Variants in SLC14A2 observed in about 807,000 individuals in gnomAD.
SLC14A2 encodes urea transporter 2.
In SLC14A2, 91 loss-of-function variants were observed where a neutral mutation model predicts 104.6. That is an observed-to-expected ratio of 0.87 (90% confidence interval 0.73 to 1.04). The LOEUF (loss-of-function observed/expected upper bound fraction) is 1.04. Ranked by LOEUF, SLC14A2 falls within the 50% of genes least tolerant of loss-of-function variation. SLC14A2 has a pLI of 0.00. For missense variants in SLC14A2, 1,189 were observed against 1,156.0 expected (o/e 1.03, Z -0.41); for synonymous variants, 476 against 466.4 (o/e 1.02, Z -0.27).
intron 1 of SLC14A2, among the ~76,000 whole-genome samples, chr18:45,398,033 AC>A (rs1343090884): frequency 6.6e-6 from 1 of 152,194 alleles, no homozygotes; most frequent in African/African-American, 2.4e-5. Context: ...TTGAGGGACA[AC>A]TATAAGCCAG....
chr18:45,669,593 A>AT (rs1243981017), intron 16 of SLC14A2, 95 bp downstream of exon 16: 1 of 980,756 alleles, frequency 1.0e-6, no homozygotes, highest in East Asian at 2.4e-5. Flanking sequence ...ACAAGTAATA[A>AT]TTTTTAACAA....
At chr18:45,616,915 T>C (rs920031244) in intron 1 of SLC14A2, among the ~76,000 whole-genome samples, 2 of 151,986 alleles carry the variant, frequency 1.3e-5, no homozygotes, top group Non-Finnish European at 2.9e-5. Context: ...CTGGGCAACA[T>C]GATGAAACCC....
chr18:45,255,151 CCTTT>C (rs1356302971), intron 1 of SLC14A2, among the ~76,000 whole-genome samples: 2 of 152,260 alleles, frequency 1.3e-5, no homozygotes, highest in African/African-American at 4.8e-5. Flanking sequence ...ACTGTGCTAC[CCTTT>C]CTCTTTCTCT....
At chr18:45,413,019 G>A (rs554698246) in intron 1 of SLC14A2, among the ~76,000 whole-genome samples, 1 of 152,264 alleles carries the variant, frequency 6.6e-6, no homozygotes, top group Admixed American at 6.5e-5. Context: ...ACCATCTTAA[G>A]GTTGTCCGTT....
chr18:45,217,417 T>A (rs1423707334), intron 1 of SLC14A2, among the ~76,000 whole-genome samples: 2 of 151,684 alleles, frequency 1.3e-5, no homozygotes, highest in Non-Finnish European at 2.9e-5. Flanking sequence ...CTCCACATAG[T>A]TATGAGTGTG....
chr18:45,341,139 C>T (rs2085389502), intron 1 of SLC14A2, among the ~76,000 whole-genome samples: 2 of 151,120 alleles, frequency 1.3e-5, no homozygotes, highest in South Asian at 4.2e-4. Flanking sequence ...AATATATAGC[C>T]TCAGGCATTT....
At chr18:45,620,103 C>T (rs1435300905) in intron 1 of SLC14A2, among the ~76,000 whole-genome samples, 3 of 152,174 alleles carry the variant, frequency 2.0e-5, no homozygotes, top group Non-Finnish European at 4.4e-5. Flanking sequence ...CCCGTTGTAA[C>T]AGAGTAAACA....
At chr18:45,660,201 A>G (rs1313279467) in intron 10 of SLC14A2, among the ~76,000 whole-genome samples, 1 of 152,198 alleles carries the variant, frequency 6.6e-6, no homozygotes, top group African/African-American at 2.4e-5. Context: ...AGTATACCAC[A>G]TTCATGATAG....
chr18:45,652,644 G>A (rs1353289329), intron 10 of SLC14A2, among the ~76,000 whole-genome samples: 2 of 152,204 alleles, frequency 1.3e-5, no homozygotes, highest in Non-Finnish European at 2.9e-5. Context: ...CACGAGCATT[G>A]TGAAGAAAAC....
chr18:45,216,881 C>T (rs1230218721), intron 1 of SLC14A2, among the ~76,000 whole-genome samples: 2 of 152,138 alleles, frequency 1.3e-5, no homozygotes, highest in African/African-American at 2.4e-5. Flanking sequence ...ACACAAAATC[C>T]TCCTCCTCCT....
chr18:45,558,313 CT>C (rs1482877796), intron 2 of SLC14A2, among the ~76,000 whole-genome samples: 2 of 152,214 alleles, frequency 1.3e-5, no homozygotes, highest in Admixed American at 6.5e-5. Context: ...ACTTATGTCA[CT>C]AGTACGACCC....
intron 18 of SLC14A2, among the ~76,000 whole-genome samples, chr18:45,675,099 C>T (rs186411193): frequency 3.4e-4 from 52 of 152,272 alleles, no homozygotes; most frequent in Admixed American, 8.5e-4. Flanking sequence ...TCAAGGTGCA[C>T]TCACTGGTTT....
intron 2 of SLC14A2, among the ~76,000 whole-genome samples, chr18:45,569,003 G>A (rs938390895): frequency 6.6e-6 from 1 of 152,186 alleles, no homozygotes; most frequent in Admixed American, 6.5e-5. Flanking sequence ...GACTGAGTAG[G>A]ATTTAAATTA....
intron 6 of SLC14A2, among the ~76,000 whole-genome samples, chr18:45,637,604 A>G (rs2045441510): frequency 6.6e-6 from 1 of 152,216 alleles, no homozygotes; most frequent in African/African-American, 2.4e-5. Flanking sequence ...AGGCATTAGC[A>G]TAGAAGACAG....
At chr18:45,450,232 A>G (rs2086836533) in intron 1 of SLC14A2, among the ~76,000 whole-genome samples, 1 of 152,182 alleles carries the variant, frequency 6.6e-6, no homozygotes, top group Non-Finnish European at 1.5e-5. Context: ...CTGCTGATCT[A>G]GCCTCATTTG....
intron 1 of SLC14A2, among the ~76,000 whole-genome samples, chr18:45,447,908 A>T (rs886973051): frequency 7.2e-5 from 11 of 152,260 alleles, no homozygotes; most frequent in African/African-American, 2.7e-4. Flanking sequence ...CCCTGCTTAC[A>T]TTATTTATTA....
intron 18 of SLC14A2, 122 bp downstream of exon 18, chr18:45,673,939 C>T (rs2046184762): frequency 2.0e-6 from 2 of 1,010,670 alleles, no homozygotes; most frequent in East Asian, 2.6e-5. Context: ...TCACTGAATA[C>T]TCAACGTTCA....
At chr18:45,389,454 A>AT (rs1461744669) in intron 1 of SLC14A2, among the ~76,000 whole-genome samples, 1 of 152,174 alleles carries the variant, frequency 6.6e-6, no homozygotes, top group Non-Finnish European at 1.5e-5. Context: ...AAGTCATACT[A>AT]TTTTCTCATA....
intron 1 of SLC14A2, among the ~76,000 whole-genome samples, chr18:45,426,704 C>T (rs1312653590): frequency 6.7e-6 from 1 of 148,532 alleles, no homozygotes; most frequent in East Asian, 2.0e-4. Flanking sequence ...TACATACACA[C>T]ACACACACAC....
Sources: allele counts gnomAD v4.1 joint callset (sites outside exome capture counted in the v4.1 genomes callset), GRCh38; gene constraint gnomAD v4.1.1; transcripts MANE v1.5; gene names NCBI Gene and HGNC (gene_info 2026-07-23, HGNC 2026-07-21).